The following PLCB1 variants were observed in gnomAD, a reference collection of about 807,000 sequenced individuals.
PLCB1 encodes 1-phosphatidylinositol 4,5-bisphosphate phosphodiesterase beta-1.
A neutral mutation model predicts 161.8 loss-of-function variants in PLCB1; 46 were observed. That is an observed-to-expected ratio of 0.28 (90% CI 0.22 to 0.36). The LOEUF is 0.36. Among genes scored for constraint, PLCB1 ranks in the 10% least tolerant of loss-of-function variants. PLCB1 has a pLI of 1.00. For missense variants in PLCB1, 1,016 were observed against 1,472.5 expected (o/e 0.69, Z 5.07); for synonymous variants, 517 against 503.7 (o/e 1.03, Z -0.35).
At chr20:8,492,234 TTC>T (rs1375199300) in intron 3 of PLCB1, among the ~76,000 whole-genome samples, 1 of 152,102 alleles carries the variant, frequency 6.6e-6, no homozygotes, top group Non-Finnish European at 1.5e-5. Flanking sequence ...GCTACCCACT[TTC>T]TGTTTACTTA....
intron 2 of PLCB1, among the ~76,000 whole-genome samples, chr20:8,307,358 A>G (rs897880800): frequency 2.0e-5 from 3 of 152,206 alleles, no homozygotes; most frequent in Non-Finnish European, 4.4e-5. Flanking sequence ...TGAATTATGG[A>G]TACTGAACCT....
chr20:8,431,060 A>C (rs957700902), intron 3 of PLCB1, among the ~76,000 whole-genome samples: 1 of 151,958 alleles, frequency 6.6e-6, no homozygotes, highest in Admixed American at 6.6e-5. Context: ...TTATATATGC[A>C]TTAATATATA....
intron 3 of PLCB1, among the ~76,000 whole-genome samples, chr20:8,438,815 A>C (rs1302897881): frequency 1.3e-5 from 2 of 152,212 alleles, no homozygotes; most frequent in African/African-American, 4.8e-5. Flanking sequence ...CAAGAAGAGC[A>C]TCTCCTCAGA....
intron 9 of PLCB1, among the ~76,000 whole-genome samples, chr20:8,683,285 AG>A (rs1990267193): frequency 6.6e-6 from 1 of 152,090 alleles, no homozygotes; most frequent in Non-Finnish European, 1.5e-5. Flanking sequence ...CTGAAAGAAA[AG>A]TTAGGGATGT....
chr20:8,662,561 T>C (rs1989706113), intron 9 of PLCB1, among the ~76,000 whole-genome samples: 1 of 145,142 alleles, frequency 6.9e-6, no homozygotes, highest in Non-Finnish European at 1.5e-5. Context: ...ATCATATAAT[T>C]ACAATATATA....
In PLCB1 at chr20:8,264,765, C is replaced by G. The variant is rs142239375; in HGVS notation, c.178-106617C>G. Among the ~76,000 whole-genome samples, 21 of 151,984 alleles carry G rather than the reference C, an allele frequency of 1.4e-4. No homozygotes were observed. In the East Asian group the frequency reaches 4.1e-3, roughly 29 times the overall value. On this transcript the variant is annotated intron_variant, in intron 2 of 31. Transcript: ENST00000338037. ...CACACACATATGTTCATCTCTTATG[C>G]CTGATTTTGATTCTTTATTAATGTG...
chr20:8,839,672 C>A (rs1469627169), intron 31 of PLCB1, among the ~76,000 whole-genome samples: 1 of 151,490 alleles, frequency 6.6e-6, no homozygotes, highest in African/African-American at 2.4e-5. Context: ...CAAACATTAT[C>A]GCAGCATGCT....
chr20:8,286,842 T>C (rs759653229), intron 2 of PLCB1, among the ~76,000 whole-genome samples: 3 of 152,134 alleles, frequency 2.0e-5, no homozygotes, highest in Non-Finnish European at 4.4e-5. Context: ...TAATACTTTC[T>C]CAGTTTCCTG....
chr20:8,261,545 G>T (rs1423983627), intron 2 of PLCB1, among the ~76,000 whole-genome samples: 6 of 152,150 alleles, frequency 3.9e-5, no homozygotes. Flanking sequence ...AACGTGAAAT[G>T]AACGTGATCT....
intron 31 of PLCB1, among the ~76,000 whole-genome samples, chr20:8,865,136 G>T (rs946228950): frequency 6.6e-6 from 1 of 152,188 alleles, no homozygotes; most frequent in African/African-American, 2.4e-5. Context: ...AACAATGGAA[G>T]AAAAGGGAGT....
At chr20:8,185,608 T>G (rs2051895116) in intron 2 of PLCB1, among the ~76,000 whole-genome samples, 1 of 151,536 alleles carries the variant, frequency 6.6e-6, no homozygotes, top group African/African-American at 2.4e-5. Flanking sequence ...ATAAACACTT[T>G]ATATATAAAC....
chr20:8,876,697 C>G (rs1388570659), intron 31 of PLCB1, among the ~76,000 whole-genome samples: 3 of 152,144 alleles, frequency 2.0e-5, no homozygotes, highest in Non-Finnish European at 4.4e-5. Flanking sequence ...CTGTGTTTAG[C>G]TGGTGGTCAG....
intron 3 of PLCB1, among the ~76,000 whole-genome samples, chr20:8,567,217 G>A (rs1299734392): frequency 2.0e-5 from 3 of 152,266 alleles, no homozygotes; most frequent in African/African-American, 7.2e-5. Flanking sequence ...TCCAGAACTT[G>A]AGCTCCAGGG....
chr20:8,721,817 C>T (rs1979648750), intron 14 of PLCB1, among the ~76,000 whole-genome samples: 2 of 152,304 alleles, frequency 1.3e-5, no homozygotes, highest in East Asian at 1.9e-4. Context: ...CTCCTAACTT[C>T]TTTGACTTCT....
chr20:8,708,522 G>A, intron 11 of PLCB1, 148 bp from the exon 12 acceptor site: 2 of 590,588 alleles, frequency 3.4e-6, no homozygotes, highest in East Asian at 2.9e-5. Flanking sequence ...CCGTCCAGCA[G>A]CCCTCAAAAT....
chr20:8,853,811 C>T (rs1034162033), intron 31 of PLCB1, among the ~76,000 whole-genome samples: 3 of 152,214 alleles, frequency 2.0e-5, no homozygotes, highest in Admixed American at 1.3e-4. Context: ...TCTTCTCCTT[C>T]CACAGTCCCC....
intron 2 of PLCB1, among the ~76,000 whole-genome samples, chr20:8,290,590 T>C (rs1235260764): frequency 1.3e-5 from 2 of 152,128 alleles, no homozygotes; most frequent in African/African-American, 4.8e-5. Flanking sequence ...AAACTCTCCA[T>C]CAAAGAGATG....
rs910192930 is a variant in PLCB1, at chr20:8,433,746, T to C, written c.246+62296T>C. On this transcript the variant is annotated intron_variant, in intron 3 of 31. Coordinates refer to ENST00000338037, the MANE Select transcript of PLCB1 (RefSeq NM_015192.4). ...CTCATCCTCCTCCTCCTCCTCCTCA[T>C]GGACAATTGGTTTCATCCATCTGAT... 8.6e-5 allele frequency among the ~76,000 whole-genome samples: 13 copies of C among 150,320 alleles called. 1 individual carries two copies. Among genetic ancestry groups the C allele is most frequent in the African/African-American group, 3.2e-4 (13 of 40,502 alleles).
chr20:8,757,995 A>G (rs143469753), intron 24 of PLCB1, among the ~76,000 whole-genome samples: 2,122 of 152,056 alleles, frequency 0.014, 19 homozygotes, highest in Non-Finnish European at 0.018. Context: ...ACCCCAGTAG[A>G]TGGGAGGCTT....
Sources: allele counts gnomAD v4.1 joint callset (sites outside exome capture counted in the v4.1 genomes callset), GRCh38; gene constraint gnomAD v4.1.1; transcripts MANE v1.5; gene names NCBI Gene and HGNC (gene_info 2026-07-23, HGNC 2026-07-21).